The following DYNC1I1 variants were observed in gnomAD, a reference collection of about 807,000 sequenced individuals.
DYNC1I1 encodes cytoplasmic dynein 1 intermediate chain 1.
A neutral mutation model predicts 86.6 loss-of-function variants in DYNC1I1; 43 were observed. The ratio of observed to expected loss-of-function variants is 0.50; its 90% confidence interval spans 0.39 to 0.64. The LOEUF (loss-of-function observed/expected upper bound fraction) is 0.64. DYNC1I1 is among the 30% of genes least tolerant of loss of function. The pLI is 0.00. For missense variants in DYNC1I1, 604 were observed against 788.8 expected (o/e 0.77, Z 2.81); for synonymous variants, 262 against 283.7 (o/e 0.92, Z 0.77).
chr7:95,952,623 C>T lies in DYNC1I1; in HGVS notation c.491-24889C>T, dbSNP rs146699013. Reference sequence around the variant, plus strand: ...CACGTGGCCCTGCTCAGTGCTTTTACGCCATCCTCCCACAGTCTGTCTATT... The same window carrying T: ...CACGTGGCCCTGCTCAGTGCTTTTATGCCATCCTCCCACAGTCTGTCTATT... On this transcript the variant is annotated intron_variant, in intron 6 of 16. Coordinates refer to ENST00000447467, the MANE Select transcript of DYNC1I1 (RefSeq NM_001135556.2). Among the ~76,000 whole-genome samples the T allele has an allele frequency of 1.4e-4, 22 of 152,290 alleles. No individual in the cohort carries two copies. In the East Asian group the frequency reaches 3.7e-3, roughly 25 times the overall value.
At chr7:95,986,656 G>A (rs1206637082) in intron 8 of DYNC1I1, among the ~76,000 whole-genome samples, 2 of 152,024 alleles carry the variant, frequency 1.3e-5, no homozygotes, top group African/African-American at 4.8e-5. Flanking sequence ...GGACAAATAA[G>A]GTAGTATCGA....
At chr7:95,788,929 A>T (rs1426946789) in intron 1 of DYNC1I1, among the ~76,000 whole-genome samples, 1 of 152,172 alleles carries the variant, frequency 6.6e-6, no homozygotes, top group African/African-American at 2.4e-5. Context: ...TGGTCTTGAA[A>T]ATTTAGATAT....
intron 5 of DYNC1I1, among the ~76,000 whole-genome samples, chr7:95,842,897 T>C (rs1789325780): frequency 6.6e-6 from 1 of 152,208 alleles, no homozygotes; most frequent in Admixed American, 6.5e-5. Flanking sequence ...TGAATTTTTT[T>C]TTTTAGGTTT....
At chr7:95,898,795 T>C (rs1790957967) in intron 6 of DYNC1I1, among the ~76,000 whole-genome samples, 1 of 152,206 alleles carries the variant, frequency 6.6e-6, no homozygotes, top group South Asian at 2.1e-4. Context: ...AACGCTTTCA[T>C]GAGCTTAAAG....
intron 4 of DYNC1I1, among the ~76,000 whole-genome samples, chr7:95,816,955 CA>C (rs1794960726): frequency 6.6e-6 from 1 of 152,124 alleles, no homozygotes. Context: ...GCTTTTTATA[CA>C]TAAGAGTGAA....
intron 6 of DYNC1I1, among the ~76,000 whole-genome samples, chr7:95,894,043 T>G (rs1199287767): frequency 2.6e-5 from 4 of 152,144 alleles, no homozygotes; most frequent in Non-Finnish European, 5.9e-5. Flanking sequence ...TGAAGAAATT[T>G]GATAACTATT....
intron 16 of DYNC1I1, among the ~76,000 whole-genome samples, chr7:96,106,997 A>T (rs1408234206): frequency 1.3e-5 from 2 of 150,346 alleles, no homozygotes; most frequent in Admixed American, 6.6e-5. Context: ...GAATTTGTCT[A>T]TTTGATCTTT....
At chr7:95,911,843 A>C (rs1791344243) in intron 6 of DYNC1I1, among the ~76,000 whole-genome samples, 1 of 152,112 alleles carries the variant, frequency 6.6e-6, no homozygotes, top group Admixed American at 6.6e-5. Context: ...TACCAATAAG[A>C]TAAATTAGAA....
At chr7:95,923,075 T>C (rs1420322413) in intron 6 of DYNC1I1, among the ~76,000 whole-genome samples, 1 of 152,140 alleles carries the variant, frequency 6.6e-6, no homozygotes, top group East Asian at 1.9e-4. Context: ...TGTTTTCATA[T>C]CTTTTTTCTT....
At chr7:95,892,339 T>C (rs1301614038) in intron 6 of DYNC1I1, among the ~76,000 whole-genome samples, 1 of 151,774 alleles carries the variant, frequency 6.6e-6, no homozygotes, top group South Asian at 2.1e-4. Flanking sequence ...AGACAGAGTC[T>C]TGCTCTGTCG....
intron 6 of DYNC1I1, among the ~76,000 whole-genome samples, chr7:95,956,271 T>C (rs1002820905): frequency 3.3e-5 from 5 of 152,090 alleles, no homozygotes; most frequent in Admixed American, 6.6e-5. Context: ...ATTTGCTAGC[T>C]TCTCTGACTA....
intron 16 of DYNC1I1, among the ~76,000 whole-genome samples, chr7:96,086,359 A>G (rs1274049366): frequency 6.6e-6 from 1 of 152,228 alleles, no homozygotes; most frequent in Non-Finnish European, 1.5e-5. Flanking sequence ...ATAAATTCAC[A>G]CAGGTTTCAA....
chr7:95,831,050 T>C (rs1788880394), intron 5 of DYNC1I1, among the ~76,000 whole-genome samples: 1 of 152,138 alleles, frequency 6.6e-6, no homozygotes, highest in Non-Finnish European at 1.5e-5. Context: ...CTGTTAGTCT[T>C]ATATATTGTT....
chr7:95,819,355 T>C (rs1200927168), intron 4 of DYNC1I1, among the ~76,000 whole-genome samples: 1 of 150,638 alleles, frequency 6.6e-6, no homozygotes, highest in Non-Finnish European at 1.5e-5. Context: ...TAGTTACTAC[T>C]TTTTTTTTAG....
intron 11 of DYNC1I1, 77 bp downstream of exon 11, chr7:96,028,398 G>T: frequency 6.6e-7 from 1 of 1,521,838 alleles, no homozygotes; most frequent in African/African-American, 1.4e-5. Flanking sequence ...AAAAAGTATG[G>T]ATGTTTTCAG....
intron 10 of DYNC1I1, among the ~76,000 whole-genome samples, chr7:96,003,123 G>A (rs528872622): frequency 4.6e-5 from 7 of 152,306 alleles, no homozygotes; most frequent in Admixed American, 6.5e-5. Context: ...GATTACAGGC[G>A]TGAGCCATTG....
intron 5 of DYNC1I1, among the ~76,000 whole-genome samples, chr7:95,840,116 T>A (rs2141868): frequency 0.39 from 58,902 of 151,872 alleles, 11,670 homozygotes; most frequent in East Asian, 0.58. Context: ...TCTGGATGTC[T>A]TATTTCCTTC....
At chr7:96,104,837 A>T (rs1791191155) in intron 16 of DYNC1I1, among the ~76,000 whole-genome samples, 1 of 152,084 alleles carries the variant, frequency 6.6e-6, no homozygotes, top group African/African-American at 2.4e-5. Context: ...ATTTTGAAAG[A>T]TTATTTTAAC....
chr7:95,792,645 A>G (rs1352493949), intron 1 of DYNC1I1, among the ~76,000 whole-genome samples: 1 of 152,208 alleles, frequency 6.6e-6, no homozygotes, highest in African/African-American at 2.4e-5. Flanking sequence ...CTCCCATACC[A>G]TGTAAAACTT....
Sources: gnomAD v4.1 joint callset for allele counts (sites outside exome capture counted in the v4.1 genomes callset) on GRCh38, gnomAD v4.1.1 for gene constraint, MANE v1.5 for transcripts, NCBI Gene and HGNC (gene_info 2026-07-23, HGNC 2026-07-21) for gene names.